The following NINL variants were observed in gnomAD, a reference collection of about 807,000 sequenced individuals.
NINL encodes ninein-like protein.
In NINL, 153 loss-of-function variants were observed where a neutral mutation model predicts 160.3. The ratio of observed to expected loss-of-function variants is 0.95; its 90% CI spans 0.84 to 1.09. The LOEUF (loss-of-function observed/expected upper bound fraction) is 1.09, where lower values mean the gene tolerates loss of function less well. Among genes scored for constraint, NINL ranks in the 50% least tolerant of loss-of-function variants. NINL has a pLI of 0.00. For missense variants in NINL, 1,829 were observed against 1,764.0 expected, an observed-to-expected ratio of 1.04 and a Z score of -0.66; for synonymous variants, 800 against 734.8, an observed-to-expected ratio of 1.09 and a Z score of -1.43.
intron 14 of NINL, 89 bp downstream of exon 14, chr20:25,481,876 ATCT>A: frequency 1.3e-6 from 2 of 1,509,150 alleles, no homozygotes; most frequent in Non-Finnish European, 1.8e-6. Flanking sequence ...CAACATCATC[ATCT>A]TCATCATCTC....
chr20:25,518,446 T>A (rs2064202157), intron 2 of NINL, among the ~76,000 whole-genome samples: 1 of 152,358 alleles, frequency 6.6e-6, no homozygotes, highest in South Asian at 2.1e-4. Flanking sequence ...TTTAATACAG[T>A]AAAGCTTTTC....
intron 1 of NINL, among the ~76,000 whole-genome samples, chr20:25,533,902 T>C (rs190897139): frequency 1.3e-3 from 194 of 152,362 alleles, no homozygotes; most frequent in African/African-American, 4.3e-3. Context: ...AGCTTCATGA[T>C]GTTGGATTTG....
intron 1 of NINL, among the ~76,000 whole-genome samples, chr20:25,556,359 C>T (rs2064866372): frequency 6.6e-6 from 1 of 152,122 alleles, no homozygotes; most frequent in African/African-American, 2.4e-5. Context: ...TACAGTGGCT[C>T]ATGCCTGTAA....
At position 25,453,486 on chromosome 20, in the gene NINL, C is replaced by A. The variant is rs778679773; in HGVS notation, c.4114G>T (p.Val1372Phe). ...AGGGCTGCGGGGGCAATCCTACTGACGAGTTTGTTGAGAGCGCGAACTTTT... is the reference window on the plus strand; with the variant it reads ...AGGGCTGCGGGGGCAATCCTACTGAAGAGTTTGTTGAGAGCGCGAACTTTT... ...EEKVRALNKL[V>F]SRIAPAALSV The change falls in exon 24 of 24, where the codon GTC becomes TTC. Residue 1372 changes from valine to phenylalanine, a missense_variant. Coordinates refer to ENST00000278886, the MANE Select transcript of NINL (RefSeq NM_025176.6). 6.2e-6 allele frequency: 10 copies of A among 1,612,860 alleles called. No homozygotes were observed. Among genetic ancestry groups the A allele is most frequent in the Middle Eastern group, 1.6e-4 (1 of 6,078 alleles).
rs759934500 is a variant in NINL, at chr20:25,496,801, C to T, written c.1172G>A (p.Gly391Glu). Residue 391 changes from glycine to glutamate, a missense_variant and splice_region_variant, in exon 10 of 24, where the codon GGG (glycine) becomes GAG (glutamate). Gly to Glu is a moderately conservative substitution (Grantham distance 98, BLOSUM62 -2). Coordinates refer to ENST00000278886, the MANE Select transcript of NINL (RefSeq NM_025176.6). The part of the protein sequence containing the change: ...CYHQELSYQQ[G>E]QVEQLARERD... The stretch of plus-strand genomic sequence containing the variant: ...CTCCCTTGCCAGCTGCTCCACCTGC[C>T]CTCTGCCACAGGAAGGAGACAGGGT... 6.2e-7 allele frequency: 1 copy of T among 1,613,738 alleles called. No homozygotes were observed. The highest frequency in any genetic ancestry group is 2.2e-5 in the East Asian group (1 of 44,886).
intron 5 of NINL, 51 bp from the exon 6 acceptor site, chr20:25,505,129 C>A (rs1414972258): frequency 6.9e-7 from 1 of 1,458,522 alleles, no homozygotes; most frequent in South Asian, 1.4e-5. Flanking sequence ...CACAATGGAG[C>A]ACGACTCAGC....
intron 1 of NINL, among the ~76,000 whole-genome samples, chr20:25,577,973 C>T (rs981574633): frequency 2.0e-5 from 3 of 151,988 alleles, no homozygotes; most frequent in Admixed American, 6.6e-5. Context: ...GCTGGGATTA[C>T]AGGCATGTAC....
At chr20:25,554,640 A>ACAAAAC (rs1568963313) in intron 1 of NINL, among the ~76,000 whole-genome samples, 1 of 100,566 alleles carries the variant, frequency 9.9e-6, no homozygotes, top group Non-Finnish European at 1.9e-5. Context: ...AAAAAACAAA[A>ACAAAAC]AAAAAAAAAA....
rs768398240 is a variant in NINL at position 25,491,479 on chromosome 20, CA to C, written c.1356del (p.Glu453ArgfsTer38). The C allele has an allele frequency of 1.2e-6, 2 of 1,614,064 alleles. No homozygotes were observed. The highest frequency in any genetic ancestry group is 1.7e-6 in the Non-Finnish European group (2 of 1,180,008). On this transcript the variant is annotated frameshift_variant, in exon 11 of 24. Coordinates refer to ENST00000278886, the MANE Select transcript of NINL (RefSeq NM_025176.6). LOFTEE classifies it high-confidence loss of function. ...AACAGCTCTCGCTCCGCCTCCACCT[CA>C]GACCGCAGGAGGCTCAGCCTTTCCC... ...GYRERLSLLR[S>X]EVEAERELFW... is the part of the protein sequence containing the mutation.
Position 25,453,302 on chromosome 20 carries a change from CCATT to C in NINL, c.*145_*148del. 7.7e-6 allele frequency: 5 copies of C among 645,178 alleles called. No individual in the cohort carries two copies. The South Asian group carries it at 8.3e-5, about 11-fold the overall frequency. 40.0% of individuals were successfully genotyped at this position (645,178 alleles called of 1,614,324 possible). ...CCACCTCCATCTTGCCCAGGGCAGACCATTCATTAACTATCTGCGGGGTGAACAA... is the reference window on the plus strand; with the variant it reads ...CCACCTCCATCTTGCCCAGGGCAGACCATTAACTATCTGCGGGGTGAACAA... On this transcript the variant is annotated 3_prime_UTR_variant, in exon 24 of 24. Transcript: ENST00000278886.
intron 19 of NINL, among the ~76,000 whole-genome samples, chr20:25,463,891 AG>A (rs2062850105): frequency 1.3e-5 from 2 of 152,196 alleles, no homozygotes; most frequent in Non-Finnish European, 2.9e-5. Flanking sequence ...CTCAAGCCTC[AG>A]GTTAAGAGAA....
chr20:25,454,231 C>T (rs184695168), intron 23 of NINL, among the ~76,000 whole-genome samples: 131 of 152,276 alleles, frequency 8.6e-4, no homozygotes, highest in Non-Finnish European at 1.5e-3. Context: ...GGCCCTGGGA[C>T]GGTCAGAGTG....
chr20:25,470,891 G>A (rs977317521), intron 17 of NINL, among the ~76,000 whole-genome samples: 3 of 152,158 alleles, frequency 2.0e-5, no homozygotes, highest in African/African-American at 7.2e-5. Flanking sequence ...CCCAGAGAAT[G>A]CATTCTTAAT....
At chr20:25,475,905 G>T (rs1460515292) in intron 17 of NINL, 138 bp downstream of exon 17, 2 of 846,404 alleles carry the variant, frequency 2.4e-6, no homozygotes, top group African/African-American at 1.7e-5. Flanking sequence ...CAGGCTGAAG[G>T]GCTACACAGC....
At position 25,500,712 on chromosome 20, in the gene NINL, T is replaced by C. The variant is rs372030732; in HGVS notation, c.1032+128A>G. 4.3e-4 allele frequency: 365 copies of C among 858,784 alleles called. 3 individuals are homozygous for C. The African/African-American group carries it at 5.3e-3, about 13-fold the overall frequency. 53.2% of individuals were successfully genotyped at this position (858,784 alleles called of 1,614,324 possible). A position where few individuals can be genotyped will look rare whatever the true frequency, so the allele number is the denominator to read the frequency against. ...AGGTTTCTACCTGGACTTCCTTGCA[T>C]GGCATTCTCTGCACAGAGCACACAC... On this transcript the variant is annotated intron_variant, in intron 8 of 23. Coordinates refer to ENST00000278886, the MANE Select transcript of NINL (RefSeq NM_025176.6).
intron 13 of NINL, among the ~76,000 whole-genome samples, chr20:25,484,621 G>T (rs1400081899): frequency 6.6e-6 from 1 of 152,206 alleles, no homozygotes; most frequent in Non-Finnish European, 1.5e-5. Flanking sequence ...GGGAATTCAT[G>T]AGTCCATACC....
intron 4 of NINL, among the ~76,000 whole-genome samples, chr20:25,512,251 T>C (rs2064084169): frequency 6.6e-6 from 1 of 152,164 alleles, no homozygotes; most frequent in African/African-American, 2.4e-5. Context: ...TCAAGATAAG[T>C]AGGGCTGGGA....
intron 1 of NINL, among the ~76,000 whole-genome samples, chr20:25,550,470 C>T (rs1260903158): frequency 1.3e-5 from 2 of 151,820 alleles, no homozygotes; most frequent in East Asian, 1.9e-4. Context: ...ACCGGCGCTC[C>T]GCAAGCAAGG....
At chr20:25,515,858 C>A (rs565093964) in intron 3 of NINL, among the ~76,000 whole-genome samples, 2 of 152,192 alleles carry the variant, frequency 1.3e-5, no homozygotes, top group African/African-American at 2.4e-5. Flanking sequence ...GCAAGCTCCA[C>A]GTCCCAGGTT....
Sources: allele counts gnomAD v4.1 joint callset (sites outside exome capture counted in the v4.1 genomes callset), GRCh38; gene constraint gnomAD v4.1.1; transcripts MANE v1.5; gene names NCBI Gene and HGNC (gene_info 2026-07-23, HGNC 2026-07-21).